PTPRD: variants seen among roughly 807,000 people sequenced by gnomAD.
PTPRD encodes receptor-type tyrosine-protein phosphatase delta.
Under a neutral mutation model 214.5 loss-of-function variants are expected in PTPRD, and 34 were observed. That is an observed-to-expected ratio of 0.16 (90% CI 0.12 to 0.21). The LOEUF (loss-of-function observed/expected upper bound fraction) is 0.21. PTPRD is among the 10% of genes least tolerant of loss of function. The pLI, the probability that PTPRD is intolerant of heterozygous loss-of-function variation, is 1.00. For synonymous variants in PTPRD, 1,128 were observed against 845.7 expected (o/e 1.33, Z -5.79); for missense variants, 2,545 against 2,398.7 (o/e 1.06, Z -1.27).
chr9:10,234,138 C>A (rs2099621427), intron 3 of PTPRD, among the ~76,000 whole-genome samples: 1 of 151,788 alleles, frequency 6.6e-6, no homozygotes, highest in South Asian at 2.1e-4. Context: ...CCTGTAATCA[C>A]AGCTACTCAG....
chr9:8,728,475 G>A (rs1241439434), intron 12 of PTPRD, among the ~76,000 whole-genome samples: 1 of 152,176 alleles, frequency 6.6e-6, no homozygotes, highest in Non-Finnish European at 1.5e-5. Flanking sequence ...TGGAATTACA[G>A]GCGTGAGCCA....
intron 8 of PTPRD, among the ~76,000 whole-genome samples, chr9:9,446,064 G>C (rs530760131): frequency 6.6e-6 from 1 of 152,086 alleles, no homozygotes; most frequent in Admixed American, 6.6e-5. Flanking sequence ...TTTGGATAAA[G>C]ATTATTTTAT....
At chr9:8,456,496 A>C (rs1006268843) in intron 33 of PTPRD, among the ~76,000 whole-genome samples, 1 of 152,220 alleles carries the variant, frequency 6.6e-6, no homozygotes, top group African/African-American at 2.4e-5. Context: ...GGGCCTACTC[A>C]GAAGCCAGAA....
At chr9:9,675,143 T>C (rs2096904761) in intron 7 of PTPRD, among the ~76,000 whole-genome samples, 2 of 151,934 alleles carry the variant, frequency 1.3e-5, no homozygotes, top group Non-Finnish European at 2.9e-5. Flanking sequence ...CAAAGTCAAT[T>C]ATGAAAGAGA....
intron 8 of PTPRD, among the ~76,000 whole-genome samples, chr9:9,535,881 G>A (rs2076420061): frequency 6.6e-6 from 1 of 151,950 alleles, no homozygotes; most frequent in South Asian, 2.1e-4. Context: ...TAGGAGAAAT[G>A]GTAATGCCAA....
At chr9:9,646,262 T>C (rs1269152404) in intron 7 of PTPRD, among the ~76,000 whole-genome samples, 1 of 151,830 alleles carries the variant, frequency 6.6e-6, no homozygotes, top group Non-Finnish European at 1.5e-5. Context: ...TTCTTGGATG[T>C]TGTTAGTCTA....
intron 11 of PTPRD, among the ~76,000 whole-genome samples, chr9:8,815,026 G>C (rs1194961712): frequency 6.6e-6 from 1 of 151,814 alleles, no homozygotes; most frequent in Non-Finnish European, 1.5e-5. Context: ...ATCTGTCTCA[G>C]CTTTATTGTG....
intron 5 of PTPRD, among the ~76,000 whole-genome samples, chr9:9,903,304 T>C (rs539074350): frequency 6.6e-6 from 1 of 152,306 alleles, no homozygotes; most frequent in Non-Finnish European, 1.5e-5. Flanking sequence ...AGTAGTATTT[T>C]AAGCTATTAC....
At chr9:9,658,582 T>C (rs2096565313) in intron 7 of PTPRD, among the ~76,000 whole-genome samples, 1 of 152,134 alleles carries the variant, frequency 6.6e-6, no homozygotes, top group African/African-American at 2.4e-5. Context: ...ACTTGTGAGA[T>C]CCCTTCATTG....
chr9:8,602,292 T>C (rs1197020395), intron 14 of PTPRD, among the ~76,000 whole-genome samples: 3 of 152,210 alleles, frequency 2.0e-5, no homozygotes, highest in African/African-American at 7.2e-5. Flanking sequence ...CCCCTAGATA[T>C]TGCTGGCATA....
intron 4 of PTPRD, among the ~76,000 whole-genome samples, chr9:10,023,842 A>G (rs970271542): frequency 5.3e-5 from 8 of 152,262 alleles, no homozygotes; most frequent in East Asian, 1.9e-4. Flanking sequence ...TGATAGACAT[A>G]GCAGTGTTTC....
chr9:9,915,636 G>A (rs952423665), intron 5 of PTPRD, among the ~76,000 whole-genome samples: 1 of 150,158 alleles, frequency 6.7e-6, no homozygotes, highest in African/African-American at 2.5e-5. Context: ...CCACCAAGCA[G>A]AAGAAACAAA....
chr9:9,247,870 C>G (rs1299110444), intron 9 of PTPRD, among the ~76,000 whole-genome samples: 1 of 152,070 alleles, frequency 6.6e-6, no homozygotes, highest in Admixed American at 6.6e-5. Context: ...AGCATGATCA[C>G]CATACATTTC....
At chr9:9,076,171 G>C (rs1035215456) in intron 10 of PTPRD, among the ~76,000 whole-genome samples, 4 of 152,124 alleles carry the variant, frequency 2.6e-5, no homozygotes, top group African/African-American at 9.7e-5. Context: ...GTGATGATGA[G>C]CATTTTTTCA....
rs538252020 is a variant in PTPRD at position 9,226,684 on chromosome 9, G to A, written c.-202-43321C>T. On this transcript the variant is annotated intron_variant, in intron 9 of 45. Transcript: ENST00000381196. Reference sequence around the variant, plus strand: ...AATGAGCCACAGTTTCCTTATCTTAGGAGATAAGTACTTTGACTATCTCAC... The same window carrying A: ...AATGAGCCACAGTTTCCTTATCTTAAGAGATAAGTACTTTGACTATCTCAC... 2.0e-5 allele frequency among the ~76,000 whole-genome samples: 3 copies of A among 152,144 alleles called. No homozygotes were observed. The East Asian group carries it at 5.8e-4, about 29-fold the overall frequency.
intron 8 of PTPRD, among the ~76,000 whole-genome samples, chr9:9,519,421 C>G (rs1355341585): frequency 6.6e-6 from 1 of 151,602 alleles, no homozygotes; most frequent in Non-Finnish European, 1.5e-5. Flanking sequence ...TTAGAAATGA[C>G]TAATACAACT....
At chr9:8,498,657 T>C (rs945096230) in intron 25 of PTPRD, among the ~76,000 whole-genome samples, 7 of 152,180 alleles carry the variant, frequency 4.6e-5, no homozygotes, top group Admixed American at 4.6e-4. Flanking sequence ...ACAAACTCCA[T>C]CCTTTTCCCT....
At chr9:9,157,176 A>C (rs1201749743) in intron 10 of PTPRD, among the ~76,000 whole-genome samples, 2 of 152,338 alleles carry the variant, frequency 1.3e-5, no homozygotes, top group East Asian at 1.9e-4. Context: ...ATGTCAGAAA[A>C]GACGAAATAT....
intron 10 of PTPRD, among the ~76,000 whole-genome samples, chr9:9,021,306 T>C (rs1331864768): frequency 1.3e-4 from 20 of 152,178 alleles, no homozygotes; most frequent in Non-Finnish European, 4.4e-5. Flanking sequence ...AGTGATGTGA[T>C]AGCTGTTGTA....
Sources: allele counts gnomAD v4.1 joint callset (sites outside exome capture counted in the v4.1 genomes callset), GRCh38; gene constraint gnomAD v4.1.1; transcripts MANE v1.5; gene names NCBI Gene and HGNC (gene_info 2026-07-23, HGNC 2026-07-21).